Variants in VAV3 observed in about 807,000 individuals in gnomAD.
The protein encoded by VAV3 is guanine nucleotide exchange factor VAV3.
VAV3 carries 94 observed loss-of-function variants against 131.2 expected under a neutral mutation model. The observed-to-expected ratio is 0.72, with a 90% CI of 0.61 to 0.85. The LOEUF is 0.85. VAV3 is among the 40% of genes least tolerant of loss of function. The probability of loss-of-function intolerance (pLI) is 0.00; values close to 1 mark genes in which losing one functional copy is unlikely to be tolerated. For synonymous variants in VAV3, 349 were observed against 342.0 expected (o/e 1.02, Z -0.22); for missense variants, 939 against 1,002.7 (o/e 0.94, Z 0.86).
At chr1:107,866,999 T>C (rs1670018976) in intron 2 of VAV3, among the ~76,000 whole-genome samples, 1 of 152,070 alleles carries the variant, frequency 6.6e-6, no homozygotes, top group African/African-American at 2.4e-5. Flanking sequence ...TAGCATGATA[T>C]CTAAATACCT....
chr1:107,874,134 C>G (rs1670376542), intron 2 of VAV3, among the ~76,000 whole-genome samples: 1 of 152,138 alleles, frequency 6.6e-6, no homozygotes, highest in African/African-American at 2.4e-5. Flanking sequence ...AATGCAATTA[C>G]ATCAGCATAA....
intron 19 of VAV3, among the ~76,000 whole-genome samples, chr1:107,672,994 A>T (rs1255750618): frequency 6.6e-6 from 1 of 152,212 alleles, no homozygotes; most frequent in East Asian, 1.9e-4. Flanking sequence ...TCCAAAATCT[A>T]GGAGTTCATA....
At chr1:107,781,228 A>G (rs1277866378) in intron 2 of VAV3, among the ~76,000 whole-genome samples, 8 of 152,234 alleles carry the variant, frequency 5.3e-5, no homozygotes, top group African/African-American at 1.9e-4. Flanking sequence ...TGGAGTTACT[A>G]AAAGAATTAA....
chr1:107,920,312 A>C (rs76968958), intron 1 of VAV3, among the ~76,000 whole-genome samples: 5,665 of 152,316 alleles, frequency 0.037, 155 homozygotes, highest in East Asian at 0.12. Flanking sequence ...AATGCATAGG[A>C]GTTCATCATT....
chr1:107,705,194 C>A (rs936729564), intron 15 of VAV3, 133 bp from the exon 16 acceptor site: 7 of 704,780 alleles, frequency 9.9e-6, no homozygotes, highest in Non-Finnish European at 1.4e-5. Context: ...ACTAAATGTG[C>A]AATGTTTTCT....
At chr1:107,755,591 C>T in intron 11 of VAV3, 78 bp from the exon 12 acceptor site, 3 of 944,732 alleles carry the variant, frequency 3.2e-6, no homozygotes, top group Non-Finnish European at 4.9e-6. Flanking sequence ...GAAAACACAT[C>T]ATTAATTCCA....
rs376092564 is a variant in VAV3, at chr1:107,703,562, T to A, written c.1705+988A>T. Among the ~76,000 whole-genome samples the A allele has an allele frequency of 4.9e-4, 74 of 152,328 alleles. No homozygotes were observed. In the South Asian group the frequency reaches 0.015, roughly 30 times the overall value. On this transcript the variant is annotated intron_variant, in intron 17 of 26. Transcript: ENST00000370056. ...TGGCACAGAGGGTCCTTTTAAAATG[T>A]CTGAGAGGAATGTGCTATGATCTCA...
intron 2 of VAV3, among the ~76,000 whole-genome samples, chr1:107,832,998 C>T (rs1250898679): frequency 6.6e-6 from 1 of 152,094 alleles, no homozygotes; most frequent in East Asian, 1.9e-4. Flanking sequence ...ATGAGAAATA[C>T]ATGATTTTTT....
At chr1:107,680,958 T>A (rs534464798) in intron 19 of VAV3, among the ~76,000 whole-genome samples, 1 of 152,176 alleles carries the variant, frequency 6.6e-6, no homozygotes, top group African/African-American at 2.4e-5. Context: ...AGAAAGAATG[T>A]CAATGCATAC....
intron 1 of VAV3, among the ~76,000 whole-genome samples, chr1:107,945,105 T>C (rs909460212): frequency 1.3e-5 from 2 of 152,212 alleles, no homozygotes; most frequent in African/African-American, 4.8e-5. Context: ...CCCAGCCACC[T>C]GGATGGTTTA....
chr1:107,935,196 T>C (rs1673648589), intron 1 of VAV3, among the ~76,000 whole-genome samples: 1 of 152,206 alleles, frequency 6.6e-6, no homozygotes, highest in African/African-American at 2.4e-5. Flanking sequence ...CCTACAGTTC[T>C]CCAAAGCAAA....
At chr1:107,894,602 T>C (rs1671479261) in intron 1 of VAV3, among the ~76,000 whole-genome samples, 1 of 152,130 alleles carries the variant, frequency 6.6e-6, no homozygotes. Flanking sequence ...AAAGAGACAA[T>C]ATGGTTACAT....
intron 1 of VAV3, among the ~76,000 whole-genome samples, chr1:107,917,683 C>T (rs1614829): frequency 0.81 from 122,465 of 152,124 alleles, 49,437 homozygotes; most frequent in East Asian, 0.98. Flanking sequence ...AATGAAAAAG[C>T]CTAAGATCAA....
chr1:107,600,851 T>C (rs1651796663), intron 24 of VAV3, among the ~76,000 whole-genome samples: 1 of 152,222 alleles, frequency 6.6e-6, no homozygotes, highest in East Asian at 1.9e-4. Flanking sequence ...TCATCTTCTT[T>C]GCTTGTCTCC....
intron 2 of VAV3, among the ~76,000 whole-genome samples, chr1:107,844,133 T>C (rs1477231465): frequency 6.6e-6 from 1 of 151,710 alleles, no homozygotes; most frequent in African/African-American, 2.4e-5. Flanking sequence ...CTCATTTCAT[T>C]GGGGCTGCTT....
intron 1 of VAV3, among the ~76,000 whole-genome samples, chr1:107,920,869 G>A (rs941429704): frequency 6.6e-6 from 1 of 152,094 alleles, no homozygotes; most frequent in African/African-American, 2.4e-5. Flanking sequence ...TTTTAAGCTA[G>A]CTGAGAACAG....
chr1:107,887,299 G>T (rs1671080973), intron 1 of VAV3, among the ~76,000 whole-genome samples: 1 of 152,190 alleles, frequency 6.6e-6, no homozygotes, highest in African/African-American at 2.4e-5. Flanking sequence ...ATTGAATTTA[G>T]TATTTTCCTT....
chr1:107,811,985 C>T (rs182157811), intron 2 of VAV3, among the ~76,000 whole-genome samples: 1 of 152,304 alleles, frequency 6.6e-6, no homozygotes, highest in East Asian at 1.9e-4. Flanking sequence ...ACAAATTAAG[C>T]ATGCCACACC....
intron 15 of VAV3, among the ~76,000 whole-genome samples, chr1:107,739,631 T>G (rs1037731601): frequency 3.9e-5 from 6 of 151,950 alleles, no homozygotes; most frequent in Non-Finnish European, 8.8e-5. Flanking sequence ...GAATGTGAGG[T>G]TTTTAGAGAA....
Sources: gnomAD v4.1 joint callset for allele counts (sites outside exome capture counted in the v4.1 genomes callset) on GRCh38, gnomAD v4.1.1 for gene constraint, MANE v1.5 for transcripts, NCBI Gene and HGNC (gene_info 2026-07-23, HGNC 2026-07-21) for gene names.